The following PRKN variants were observed in gnomAD, a reference collection of about 807,000 sequenced individuals.
PRKN encodes the protein E3 ubiquitin-protein ligase parkin.
Under a neutral mutation model 59.5 loss-of-function variants are expected in PRKN, and 56 were observed. That is an observed-to-expected ratio of 0.94 (90% CI 0.76 to 1.18). The LOEUF is 1.18. PRKN is among the 50% of genes most tolerant of loss of function. PRKN has a pLI of 0.00. For missense variants in PRKN, 657 were observed against 596.4 expected (o/e 1.10, Z -1.06); for synonymous variants, 250 against 222.1 (o/e 1.13, Z -1.12).
intron 10 of PRKN, among the ~76,000 whole-genome samples, chr6:161,367,877 C>T (rs768690010): frequency 2.0e-5 from 3 of 152,188 alleles, no homozygotes; most frequent in Admixed American, 6.5e-5. Context: ...AAGGACGGAG[C>T]TTGTCATTAA....
At chr6:161,607,869 G>C (rs1782340840) in intron 7 of PRKN, among the ~76,000 whole-genome samples, 1 of 152,244 alleles carries the variant, frequency 6.6e-6, no homozygotes, top group Non-Finnish European at 1.5e-5. Flanking sequence ...GTCACAGTGA[G>C]CAAATGGATG....
intron 5 of PRKN, among the ~76,000 whole-genome samples, chr6:162,020,268 T>C (rs1053373840): frequency 1.6e-5 from 2 of 126,632 alleles, no homozygotes; most frequent in Non-Finnish European, 3.1e-5. Flanking sequence ...GGATAGAATA[T>C]AGGGAGAGCT....
chr6:162,535,915 A>AT (rs1478961266), intron 1 of PRKN, among the ~76,000 whole-genome samples: 1 of 151,950 alleles, frequency 6.6e-6, no homozygotes, highest in Non-Finnish European at 1.5e-5. Flanking sequence ...CTCAAAAAAA[A>AT]AAAAAAAGAA....
In PRKN at chr6:161,376,706, G is replaced by C; in HGVS notation, c.1167+10088C>G. ...GGTGGATGCGAAGGGCTCACCTCTA[G>C]CCTCCTACCTCTGGCTCCCCTCAGT... On this transcript the variant is annotated intron_variant, in intron 10 of 11. Transcript: ENST00000366898. The surrounding 1 kb of genome is among the most constrained non-coding windows in gnomAD (Gnocchi z 7.3). 6.6e-6 allele frequency among the ~76,000 whole-genome samples: 1 copy of C among 152,164 alleles called. No individual in the cohort carries two copies. Among genetic ancestry groups the C allele is most frequent in the East Asian group, 1.9e-4 (1 of 5,178 alleles).
At chr6:162,292,146 T>C (rs147631088) in intron 2 of PRKN, among the ~76,000 whole-genome samples, 5 of 152,018 alleles carry the variant, frequency 3.3e-5, no homozygotes, top group African/African-American at 1.2e-4. Flanking sequence ...GCAATTTTAG[T>C]AGAGACAAGG....
chr6:162,718,494 G>A (rs375784284), intron 1 of PRKN, among the ~76,000 whole-genome samples: 133 of 152,094 alleles, frequency 8.7e-4, no homozygotes, highest in African/African-American at 3.0e-3. Context: ...GGTGGATCAC[G>A]AGGTCAGGAG....
At chr6:162,531,071 A>G (rs1461300460) in intron 1 of PRKN, among the ~76,000 whole-genome samples, 1 of 151,364 alleles carries the variant, frequency 6.6e-6, no homozygotes, top group Non-Finnish European at 1.5e-5. Flanking sequence ...AAAAAAAAAA[A>G]AAAAAAATGT....
intron 5 of PRKN, among the ~76,000 whole-genome samples, chr6:161,984,693 C>T (rs991816951): frequency 9.8e-5 from 15 of 152,316 alleles, no homozygotes; most frequent in South Asian, 2.1e-4. Context: ...TAGGCGTTGT[C>T]CCCTAGATAA....
chr6:162,710,682 G>T (rs1271600595), intron 1 of PRKN, among the ~76,000 whole-genome samples: 3 of 152,056 alleles, frequency 2.0e-5, no homozygotes, highest in Non-Finnish European at 4.4e-5. Context: ...TGTCAGAAGG[G>T]CTTTTCATGT....
At chr6:161,759,525 T>G (rs1239088421) in intron 7 of PRKN, among the ~76,000 whole-genome samples, 4 of 151,948 alleles carry the variant, frequency 2.6e-5, no homozygotes, top group Non-Finnish European at 5.9e-5. Flanking sequence ...TTCTAAGATG[T>G]TAATCATTCC....
chr6:161,715,436 G>T (rs1018987185), intron 7 of PRKN, among the ~76,000 whole-genome samples: 2 of 152,098 alleles, frequency 1.3e-5, no homozygotes, highest in African/African-American at 4.8e-5. Flanking sequence ...TTGTTTATCT[G>T]TATGTTATTT....
chr6:162,209,295 A>C (rs1785090373), intron 3 of PRKN, among the ~76,000 whole-genome samples: 1 of 152,222 alleles, frequency 6.6e-6, no homozygotes, highest in African/African-American at 2.4e-5. Flanking sequence ...GGATATGAAC[A>C]GACACTTCTA....
chr6:161,728,556 A>T (rs890219626), intron 7 of PRKN, among the ~76,000 whole-genome samples: 2 of 152,164 alleles, frequency 1.3e-5, no homozygotes, highest in African/African-American at 2.4e-5. Context: ...ATTTGGGGGG[A>T]AAATATTGTT....
At chr6:162,726,638 T>C (rs1779210537) in intron 1 of PRKN, among the ~76,000 whole-genome samples, 1 of 152,224 alleles carries the variant, frequency 6.6e-6, no homozygotes, top group African/African-American at 2.4e-5. Context: ...TTTCAGTGCA[T>C]AAAGATCATA....
Position 161,473,533 on chromosome 6 carries a change from A to T in PRKN, c.1083+75321T>A, listed in dbSNP as rs945085682. ...GTGGAATCTTAAAAAAAAAATGTCA[A>T]ATATATAGAGACAGAATAAAATGGT... is the stretch of plus-strand genomic sequence containing the variant. On this transcript the variant is annotated intron_variant, in intron 9 of 11. Coordinates refer to ENST00000366898, the MANE Select transcript of PRKN (RefSeq NM_004562.3). This position sits in a 1 kb window ranked among gnomAD's most constrained non-coding sequence, Gnocchi z 4.1. Among the ~76,000 whole-genome samples, 1 of 151,996 alleles carries T rather than the reference A, an allele frequency of 6.6e-6. No individual in the cohort carries two copies. The highest frequency in any genetic ancestry group is 1.5e-5 in the Non-Finnish European group (1 of 68,006).
rs199931281 is a variant in PRKN, at chr6:162,691,258, A to AT, written c.7+36403dup. Among the ~76,000 whole-genome samples the AT allele has an allele frequency of 9.7e-4, 147 of 152,238 alleles. 1 individual carries two copies. In the Middle Eastern group the frequency reaches 0.014, roughly 14 times the overall value. On this transcript the variant is annotated intron_variant, in intron 1 of 11. Transcript: ENST00000366898. ...ATTAGATAATTATAAAAGTAAACACATTTTTTCAATTTATGCACACTTAAA... is the reference window on the plus strand; with the variant it reads ...ATTAGATAATTATAAAAGTAAACACATTTTTTTCAATTTATGCACACTTAAA...
At chr6:162,617,758 A>T (rs894083898) in intron 1 of PRKN, among the ~76,000 whole-genome samples, 4 of 151,234 alleles carry the variant, frequency 2.6e-5, no homozygotes, top group Non-Finnish European at 4.4e-5. Flanking sequence ...CTGAAAAATA[A>T]TTTTTTTTTG....
chr6:161,841,439 A>T (rs79107925), intron 6 of PRKN, among the ~76,000 whole-genome samples: 1,794 of 151,264 alleles, frequency 0.012, 36 homozygotes, highest in East Asian at 0.076. Context: ...AAACTCCACT[A>T]CCCAGGTTCA....
At chr6:161,436,941 A>T (rs1788941250) in intron 9 of PRKN, among the ~76,000 whole-genome samples, 1 of 152,092 alleles carries the variant, frequency 6.6e-6, no homozygotes, top group Admixed American at 6.5e-5. Context: ...CAAGCTTGGT[A>T]GCAGTGCCTA....
Sources: allele counts gnomAD v4.1 joint callset (sites outside exome capture counted in the v4.1 genomes callset), GRCh38; gene constraint gnomAD v4.1.1; non-coding constraint Gnocchi (gnomAD v3.1); transcripts MANE v1.5; gene names NCBI Gene and HGNC (gene_info 2026-07-23, HGNC 2026-07-21).